DNHD1: variants seen among roughly 807,000 people sequenced by gnomAD.
DNHD1 encodes dynein heavy chain domain-containing protein 1.
A neutral mutation model predicts 458.1 loss-of-function variants in DNHD1; 383 were observed. The ratio of observed to expected loss-of-function variants is 0.84; its 90% CI spans 0.77 to 0.91. The LOEUF is 0.91. Ranked by LOEUF, DNHD1 falls within the 40% of genes least tolerant of loss-of-function variation. The pLI is 0.00. For missense variants in DNHD1, 5,336 were observed against 5,866.1 expected, an observed-to-expected ratio of 0.91 and a Z score of 2.95; for synonymous variants, 2,203 against 2,376.9, an observed-to-expected ratio of 0.93 and a Z score of 2.13.
At chr11:6,560,362 G>A (rs1008109978) in intron 28 of DNHD1, among the ~76,000 whole-genome samples, 1 of 152,162 alleles carries the variant, frequency 6.6e-6, no homozygotes, top group Non-Finnish European at 1.5e-5. Flanking sequence ...TTTTCACTGT[G>A]TTTTACATAA....
At chr11:6,531,863 A>G (rs1852834876) in intron 12 of DNHD1, among the ~76,000 whole-genome samples, 1 of 152,174 alleles carries the variant, frequency 6.6e-6, no homozygotes, top group Admixed American at 6.5e-5. Context: ...AATATTTTTA[A>G]ATACTTTTTA....
At position 6,528,653 on chromosome 11, in the gene DNHD1, G is replaced by T; in HGVS notation, c.1969G>T (p.Ala657Ser). 1 of 1,551,744 alleles carries T rather than the reference G, an allele frequency of 6.4e-7. No homozygotes were observed. The change falls in exon 11 of 43, where the codon GCT becomes TCT. Residue 657 changes from alanine (A) to serine (S), a missense_variant. Physicochemically the swap from Ala to Ser is moderately conservative, Grantham distance 99. This residue lies in a region of DNHD1 where 3,932 missense variants were observed against 4,365.6 expected (regional missense o/e 0.90). Transcript: ENST00000254579. ...GTGGCCCTGGAAGTCTCACCCAATTGCTGGTATCTTGGAGGTCCGTGGATG... is the reference window on the plus strand; with the variant it reads ...GTGGCCCTGGAAGTCTCACCCAATTTCTGGTATCTTGGAGGTCCGTGGATG... Reference protein sequence around the residue: ...LVWPWKSHPIAGILEVRGCRL... With the variant: ...LVWPWKSHPISGILEVRGCRL...
rs1313164557 is a variant in DNHD1, at chr11:6,549,042, A to G, written c.7387+109A>G. On this transcript the variant is annotated intron_variant, in intron 24 of 42. Coordinates refer to ENST00000254579, the MANE Select transcript of DNHD1 (RefSeq NM_144666.3). ...AATATATGTCTGTAGATCTAACTTT[A>G]GTGTTCTGTTCTTAATATCTTCTCA... is the stretch of plus-strand genomic sequence containing the variant. The G allele has an allele frequency of 7.2e-6, 9 of 1,242,316 alleles. No homozygotes were observed. In the Middle Eastern group the frequency reaches 1.3e-3, roughly 178 times the overall value. The allele number at this position is 1,242,316 out of a possible 1,614,324, so 77.0% of individuals were successfully genotyped here.
rs1360741475 is a variant in DNHD1 at position 6,538,531 on chromosome 11, A to C, written c.3126+21A>C. The C allele has an allele frequency of 9.7e-6, 15 of 1,551,572 alleles. No individual in the cohort carries two copies. In the Admixed American group the frequency reaches 2.9e-4, roughly 30 times the overall value. On this transcript the variant is annotated intron_variant, in intron 15 of 42. Transcript: ENST00000254579. ...CCAAGGTGCTGACACCCTTCCTTGG[A>C]GCTCTTGACTGGGAGTGGAGGACTA...
chr11:6,568,019 C>CT lies in DNHD1; in HGVS notation c.12352-34dup. ...GGTCCCTCGGGTCACCCTAGGATCACTTTGAGTCATGCTGCCATCTCTTTT... is the reference window on the plus strand; with the variant it reads ...GGTCCCTCGGGTCACCCTAGGATCACTTTTGAGTCATGCTGCCATCTCTTTT... On this transcript the variant is annotated intron_variant, in intron 36 of 42. Transcript: ENST00000254579. The CT allele has an allele frequency of 2.0e-6, 3 of 1,530,788 alleles. No individual in the cohort carries two copies. The East Asian group carries it at 7.2e-5, about 37-fold the overall frequency. 94.8% of individuals were successfully genotyped at this position (1,530,788 alleles called of 1,614,324 possible).
Position 6,540,097 on chromosome 11 carries a change from C to A in DNHD1, c.3628+14C>A. On this transcript the variant is annotated intron_variant, in intron 18 of 42. Transcript: ENST00000254579. Reference sequence around the variant, plus strand: ...TCATCCTCTCAGGTGAGACCCAGACCTTGTGACCTAGTGAAAGCCCCCTGC... The same window carrying A: ...TCATCCTCTCAGGTGAGACCCAGACATTGTGACCTAGTGAAAGCCCCCTGC... 6.5e-7 allele frequency: 1 copy of A among 1,548,954 alleles called. No individual in the cohort carries two copies. The highest frequency in any genetic ancestry group is 8.7e-7 in the Non-Finnish European group (1 of 1,144,674).
At chr11:6,523,448 G>T (rs1375014921) in intron 10 of DNHD1, among the ~76,000 whole-genome samples, 1 of 152,120 alleles carries the variant, frequency 6.6e-6, no homozygotes, top group African/African-American at 2.4e-5. Flanking sequence ...TTGGAGGTAT[G>T]AGGAGTCATA....
In DNHD1 at chr11:6,567,055, C is replaced by T; in HGVS notation, c.11546C>T (p.Pro3849Leu). 1 of 1,613,978 alleles carries T rather than the reference C, an allele frequency of 6.2e-7. No homozygotes were observed. The highest frequency in any genetic ancestry group is 8.5e-7 in the Non-Finnish European group (1 of 1,179,890). The change falls in exon 36 of 43, where the codon CCC becomes CTC. Residue 3849 changes from proline (P) to leucine (L), a missense_variant. By Grantham distance (98) the Pro-to-Leu change is moderately conservative. This residue lies in a region of DNHD1 where 695 missense variants were observed against 804.2 expected (regional missense o/e 0.86). Coordinates refer to ENST00000254579, the MANE Select transcript of DNHD1 (RefSeq NM_144666.3). ...CTACAGGAGATGGTATTGTGGGCAC[C>T]CTATCGACCTGTGGTTTGGCATGGA... ...QKLQEMVLWA[P>L]YRPVVWHGMA...
At chr11:6,520,342 A>G (rs547739394) in intron 10 of DNHD1, 53 bp downstream of exon 10, 7 of 1,551,368 alleles carry the variant, frequency 4.5e-6, no homozygotes, top group African/African-American at 4.1e-5. Context: ...GGGAAAGGGC[A>G]CAAGTACTAA....
At chr11:6,500,014 G>C (rs965721580) in intron 3 of DNHD1, among the ~76,000 whole-genome samples, 1 of 149,294 alleles carries the variant, frequency 6.7e-6, no homozygotes, top group African/African-American at 2.5e-5. Flanking sequence ...GCCCAGGCTA[G>C]AGTGCAGTGG....
chr11:6,563,708 C>G lies in DNHD1; in HGVS notation c.9868C>G (p.Pro3290Ala). 1 of 1,545,616 alleles carries G rather than the reference C, an allele frequency of 6.5e-7. No homozygotes were observed. The highest frequency in any genetic ancestry group is 8.7e-7 in the Non-Finnish European group (1 of 1,143,898). ...ATCCTTCCAGGAGCTGGTGTTCTTC[C>G]CCAAGGAGAAGATAACAGACTCAGA... ...EDFYQELVFF[P>A]KEKITDSELI... The change falls in exon 31 of 43, where the codon CCC becomes GCC. Residue 3290 changes from proline to alanine, a missense_variant. Physicochemically the swap from Pro to Ala is conservative, Grantham distance 27. Coordinates refer to ENST00000254579, the MANE Select transcript of DNHD1 (RefSeq NM_144666.3).
chr11:6,514,001 G>A (rs1473122250), intron 7 of DNHD1, among the ~76,000 whole-genome samples: 2 of 151,600 alleles, frequency 1.3e-5, no homozygotes, highest in African/African-American at 2.4e-5. Context: ...CTGCCACCAC[G>A]CCCGACTAAT....
At position 6,548,889 on chromosome 11, in the gene DNHD1, C is replaced by T. The variant is rs1045689419; in HGVS notation, c.7343C>T (p.Pro2448Leu). The change falls in exon 24 of 43, where the codon CCC becomes CTC. Residue 2448 changes from proline to leucine, a missense_variant. Pro to Leu is a moderately conservative substitution (Grantham distance 98). This residue lies in a region of DNHD1 where 3,932 missense variants were observed against 4,365.6 expected (regional missense o/e 0.90). Transcript: ENST00000254579. The surrounding 1 kb of genome is among the most constrained non-coding windows in gnomAD (Gnocchi z 4.4). The stretch of plus-strand genomic sequence containing the variant: ...CCTGGGCATCACCAGGATTCTAAAC[C>T]CTCCCTCCTCTTCTTGCTGGAGGAC... ...PQPGHHQDSKPSLLFLLEDLH... is the reference protein window; with the variant it reads ...PQPGHHQDSKLSLLFLLEDLH... 2 of 1,551,598 alleles carry T rather than the reference C, an allele frequency of 1.3e-6. No homozygotes were observed. The highest frequency in any genetic ancestry group is 2.4e-5 in the South Asian group (2 of 84,066).
Position 6,547,294 on chromosome 11 carries a change from C to A in DNHD1, c.6355C>A (p.Pro2119Thr). ...CCCCAGTGGACAGCAGATAGCACGA[C>A]CCCCAGGCACCTTTCTCTTGATGGA... ...SLPSGQQIARPPGTFLLMEVA... is the reference protein window; with the variant it reads ...SLPSGQQIARTPGTFLLMEVA... Residue 2119 changes from proline to threonine, a missense_variant, in exon 21 of 43, where the codon CCC (proline) becomes ACC (threonine). Physicochemically the swap from Pro to Thr is conservative, Grantham distance 38. Coordinates refer to ENST00000254579, the MANE Select transcript of DNHD1 (RefSeq NM_144666.3). The A allele has an allele frequency of 1.3e-6, 2 of 1,551,808 alleles. No individual in the cohort carries two copies. Among genetic ancestry groups the A allele is most frequent in the Middle Eastern group, 1.7e-4 (1 of 5,992 alleles).
At chr11:6,504,605 A>G (rs1028270801) in intron 4 of DNHD1, among the ~76,000 whole-genome samples, 9 of 152,088 alleles carry the variant, frequency 5.9e-5, no homozygotes, top group Admixed American at 2.6e-4. Flanking sequence ...ATGTGTCACC[A>G]CACCTGGCTA....
At position 6,549,073 on chromosome 11, in the gene DNHD1, C is replaced by G. The variant is rs1222916324; in HGVS notation, c.7387+140C>G. 3 of 939,222 alleles carry G rather than the reference C, an allele frequency of 3.2e-6. No individual in the cohort carries two copies. The Admixed American group carries it at 8.5e-5, about 26-fold the overall frequency. The allele number at this position is 939,222 out of a possible 1,614,324, so 58.2% of individuals were successfully genotyped here. ...CTGTTCTTAATATCTTCTCATTCTA[C>G]ATATGCTCCCTGAACAATCCCATCC... On this transcript the variant is annotated intron_variant, in intron 24 of 42. Coordinates refer to ENST00000254579, the MANE Select transcript of DNHD1 (RefSeq NM_144666.3).
Position 6,557,140 on chromosome 11 carries a change from C to T in DNHD1, c.7845C>T (p.Asp2615=), listed in dbSNP as rs549793389. 152 of 1,551,786 alleles carry T rather than the reference C, an allele frequency of 9.8e-5. No homozygotes were observed. In the South Asian group the frequency reaches 1.7e-3, roughly 17 times the overall value. ...GAACAGGCTCCCGAGGTTTTGTGGA[C>T]TATCCCAACCACCAGGAGCACTTGC... The part of the protein sequence containing the change: ...PNRTGSRGFV[D]YPNHQEHLRR... Residue 2615 remains aspartate, a synonymous_variant, in exon 25 of 43, where the codon GAC becomes GAT. Transcript: ENST00000254579.
chr11:6,522,926 A>G (rs1327786192), intron 10 of DNHD1, among the ~76,000 whole-genome samples: 2 of 152,242 alleles, frequency 1.3e-5, no homozygotes, highest in African/African-American at 4.8e-5. Context: ...GCGTTCTCCA[A>G]TATTTTCCAG....
At chr11:6,527,208 A>T (rs1178786486) in intron 10 of DNHD1, among the ~76,000 whole-genome samples, 1 of 152,098 alleles carries the variant, frequency 6.6e-6, no homozygotes, top group Admixed American at 6.6e-5. Flanking sequence ...TTAAAGGATG[A>T]TTCTTTTTCT....
Sources: allele counts gnomAD v4.1 joint callset (sites outside exome capture counted in the v4.1 genomes callset), GRCh38; gene constraint gnomAD v4.1.1; regional missense constraint gnomAD v4.1.1; non-coding constraint Gnocchi (gnomAD v3.1); transcripts MANE v1.5; gene names NCBI Gene and HGNC (gene_info 2026-07-23, HGNC 2026-07-21).